Variants in PKP1 observed in about 807,000 individuals in gnomAD.
The protein encoded by PKP1 is plakophilin 1.
PKP1 carries 27 observed loss-of-function variants against 76.4 expected under a neutral mutation model. That is an observed-to-expected ratio of 0.35 (90% CI 0.26 to 0.49). The LOEUF (loss-of-function observed/expected upper bound fraction) is 0.49, where lower values mean the gene tolerates loss of function less well. PKP1 is among the 20% of genes least tolerant of loss of function. The probability of loss-of-function intolerance (pLI) is 0.99; values close to 1 mark genes in which losing one functional copy is unlikely to be tolerated. For missense variants in PKP1, 964 were observed against 955.2 expected (o/e 1.01, Z -0.12); for synonymous variants, 404 against 384.2 (o/e 1.05, Z -0.60).
intron 13 of PKP1, 25 bp downstream of exon 13, chr1:201,328,893 A>G (rs1571567108): frequency 7.1e-7 from 1 of 1,410,778 alleles, no homozygotes; most frequent in East Asian, 2.3e-5. Flanking sequence ...ACCCTCAGGG[A>G]TGCCTCTGGG....
At chr1:201,287,348 C>T (rs896748035) in intron 1 of PKP1, among the ~76,000 whole-genome samples, 1 of 152,192 alleles carries the variant, frequency 6.6e-6, no homozygotes, top group African/African-American at 2.4e-5. Context: ...AGGAGCTCGC[C>T]TCAGGAGCCC....
intron 3 of PKP1, 113 bp from the exon 4 acceptor site, chr1:201,316,440 C>T: frequency 8.6e-7 from 1 of 1,165,798 alleles, no homozygotes; most frequent in Non-Finnish European, 1.2e-6. Flanking sequence ...TGTTCTGGCT[C>T]TCCAGAGGGC....
At chr1:201,312,431 C>T (rs1375804485) in intron 2 of PKP1, among the ~76,000 whole-genome samples, 1 of 152,172 alleles carries the variant, frequency 6.6e-6, no homozygotes, top group Non-Finnish European at 1.5e-5. Context: ...CTTTCCTCAC[C>T]GAGTGACTAC....
chr1:201,287,404 T>C (rs1655773700), intron 1 of PKP1, among the ~76,000 whole-genome samples: 1 of 152,226 alleles, frequency 6.6e-6, no homozygotes, highest in African/African-American at 2.4e-5. Flanking sequence ...TGTCTCAGCA[T>C]GAGCTTCTGC....
In PKP1 at chr1:201,318,673, C is replaced by A. The variant is rs779752881; in HGVS notation, c.1110C>A (p.Asp370Glu). The change falls in exon 6 of 14, where the codon GAC becomes GAA. Residue 370 changes from aspartate to glutamate, a missense_variant. Transcript: ENST00000367324. ...AGCTGAAGGAGGAACTCATTGCCGA[C>A]GCCCTGCCTGTTCTGGCCGACCGCG... The part of the protein sequence containing the change: ...TDELKEELIA[D>E]ALPVLADRVI... The A allele has an allele frequency of 1.2e-6, 2 of 1,612,236 alleles. No homozygotes were observed. The highest frequency in any genetic ancestry group is 2.2e-5 in the East Asian group (1 of 44,904).
chr1:201,317,102 T>A (rs1656775041), intron 4 of PKP1, among the ~76,000 whole-genome samples: 1 of 152,120 alleles, frequency 6.6e-6, no homozygotes, highest in South Asian at 2.1e-4. Flanking sequence ...TGTTGATGCC[T>A]CCAAAGCTTT....
At chr1:201,315,278 A>G (rs1656690185) in intron 3 of PKP1, among the ~76,000 whole-genome samples, 1 of 152,234 alleles carries the variant, frequency 6.6e-6, no homozygotes, top group East Asian at 1.9e-4. Context: ...ACATTCTCTC[A>G]ATGCAGGCAG....
intron 2 of PKP1, among the ~76,000 whole-genome samples, chr1:201,310,953 G>A (rs1656530289): frequency 6.6e-6 from 1 of 152,240 alleles, no homozygotes; most frequent in Non-Finnish European, 1.5e-5. Flanking sequence ...TCCCAGCACA[G>A]GAAAGCAAAG....
At chr1:201,294,877 C>T (rs1656028151) in intron 2 of PKP1, among the ~76,000 whole-genome samples, 1 of 152,216 alleles carries the variant, frequency 6.6e-6, no homozygotes, top group African/African-American at 2.4e-5. Context: ...TACAACCACA[C>T]CAGCCAGTGC....
At chr1:201,300,587 G>A (rs1437817174) in intron 2 of PKP1, among the ~76,000 whole-genome samples, 4 of 152,238 alleles carry the variant, frequency 2.6e-5, no homozygotes, top group Non-Finnish European at 5.9e-5. Context: ...CTGGTTTCCC[G>A]TGACTGTGTT....
chr1:201,287,196 T>C (rs1203884406), intron 1 of PKP1, among the ~76,000 whole-genome samples: 1 of 152,126 alleles, frequency 6.6e-6, no homozygotes, highest in East Asian at 1.9e-4. Context: ...AGCCTCTATT[T>C]CTCTCTGATC....
intron 2 of PKP1, among the ~76,000 whole-genome samples, chr1:201,298,392 A>T (rs1656133163): frequency 6.6e-6 from 1 of 152,168 alleles, no homozygotes; most frequent in Non-Finnish European, 1.5e-5. Context: ...GATTAAGATG[A>T]CACTCCTTTT....
At chr1:201,290,558 C>T (rs576595086) in intron 1 of PKP1, among the ~76,000 whole-genome samples, 13 of 152,192 alleles carry the variant, frequency 8.5e-5, no homozygotes, top group Non-Finnish European at 1.9e-4. Context: ...CAGCCCTCCT[C>T]TCTTCCTGGT....
At chr1:201,299,681 C>T (rs1015382643) in intron 2 of PKP1, among the ~76,000 whole-genome samples, 2 of 152,186 alleles carry the variant, frequency 1.3e-5, no homozygotes, top group Admixed American at 6.5e-5. Context: ...TTCATCTGAG[C>T]ACTCCAGGCA....
intron 1 of PKP1, among the ~76,000 whole-genome samples, chr1:201,290,828 G>A (rs887701600): frequency 2.6e-5 from 4 of 152,208 alleles, no homozygotes; most frequent in Non-Finnish European, 5.9e-5. Flanking sequence ...ACTTGTACGG[G>A]CGTGAGATGG....
chr1:201,321,551 T>A (rs1459912185), intron 7 of PKP1, among the ~76,000 whole-genome samples: 1 of 152,066 alleles, frequency 6.6e-6, no homozygotes, highest in Non-Finnish European at 1.5e-5. Flanking sequence ...GGCATGGGGC[T>A]TCTTCTGGAG....
Position 201,303,139 on chromosome 1 carries a change from A to C in PKP1, c.306+9094A>C, listed in dbSNP as rs141371563. The stretch of plus-strand genomic sequence containing the variant: ...AAATCATACCAACTATTATTTACTT[A>C]TTTTTAAGGGAATTACTTATCAGTT... On this transcript the variant is annotated intron_variant, in intron 2 of 13. Transcript: ENST00000367324. 2.6e-5 allele frequency among the ~76,000 whole-genome samples: 4 copies of C among 152,296 alleles called. No homozygotes were observed. In the East Asian group the frequency reaches 7.7e-4, roughly 29 times the overall value.
intron 2 of PKP1, among the ~76,000 whole-genome samples, chr1:201,308,888 G>A (rs1430860998): frequency 1.3e-5 from 2 of 152,172 alleles, no homozygotes; most frequent in African/African-American, 2.4e-5. Flanking sequence ...CCAGTGGGGG[G>A]CACTGGAGTG....
chr1:201,323,294 C>G, intron 9 of PKP1, 105 bp downstream of exon 9: 1 of 1,068,704 alleles, frequency 9.4e-7, no homozygotes, highest in Non-Finnish European at 1.4e-6. Flanking sequence ...ACTTCGGAGC[C>G]TCCCATGAGC....
Sources: allele counts gnomAD v4.1 joint callset (sites outside exome capture counted in the v4.1 genomes callset), GRCh38; gene constraint gnomAD v4.1.1; transcripts MANE v1.5; gene names NCBI Gene and HGNC (gene_info 2026-07-23, HGNC 2026-07-21).